The following TPTE2 variants were observed in gnomAD, a reference collection of about 807,000 sequenced individuals.
The protein encoded by TPTE2 is transmembrane phosphoinositide 3-phosphatase and tensin homolog 2.
A neutral mutation model predicts 78.6 loss-of-function variants in TPTE2; 53 were observed. The observed-to-expected ratio is 0.67, with a 90% CI of 0.54 to 0.85. The LOEUF (loss-of-function observed/expected upper bound fraction) is 0.85. Ranked by LOEUF, TPTE2 falls within the 40% of genes least tolerant of loss-of-function variation. TPTE2 has a pLI of 0.00. For synonymous variants in TPTE2, 175 were observed against 206.2 expected, an observed-to-expected ratio of 0.85 and a Z score of 1.30; for missense variants, 461 against 623.0, an observed-to-expected ratio of 0.74 and a Z score of 2.77.
At chr13:19,522,619 C>CTTTTTTTTTTTTTTTTTTTTTTTT (rs57248346) in intron 1 of TPTE2, among the ~76,000 whole-genome samples, 3 of 121,648 alleles carry the variant, frequency 2.5e-5, no homozygotes, top group Non-Finnish European at 4.9e-5. Context: ...CTTTTTTTTT[C>CTTTTTTTTTTTTTTTTTTTTTTTT]TTTTTTTTTT....
the TPTE2 span, among the ~76,000 whole-genome samples, chr13:19,558,139 C>T: frequency 6.6e-6 from 1 of 152,104 alleles, no homozygotes; most frequent in African/African-American, 2.4e-5. Flanking sequence ...TAAGTAATAG[C>T]TACAATATAA....
At position 19,536,195 on chromosome 13, in the gene TPTE2, T is replaced by TTC. The variant is rs142417487; in HGVS notation, c.-44+399_-44+400dup. ...TAGGAATTATCTTGGAATCTGATAATTCTGAGACTCTACTAATGACGAGGC... is the reference window on the plus strand; with the variant it reads ...TAGGAATTATCTTGGAATCTGATAATTCTCTGAGACTCTACTAATGACGAGGC... On this transcript the variant is annotated intron_variant, in intron 1 of 17. Coordinates refer to the TPTE2 transcript ENST00000390680. Among the ~76,000 whole-genome samples, 1,020 of 152,290 alleles carry TTC rather than the reference T, an allele frequency of 6.7e-3. 9 individuals are homozygous for TTC. Among genetic ancestry groups the TTC allele is most frequent in the African/African-American group, 0.022 (903 of 41,548 alleles).
At chr13:19,506,152 A>G (rs1184850005), upstream of TPTE2, among the ~76,000 whole-genome samples, 3 of 67,768 alleles carry the variant, frequency 4.4e-5, no homozygotes, top group Non-Finnish European at 6.4e-5. Flanking sequence ...ACTTACGTGT[A>G]TATAAATCTT....
chr13:19,516,356 C>T (rs1367182005), intron 1 of TPTE2, among the ~76,000 whole-genome samples: 1 of 152,178 alleles, frequency 6.6e-6, no homozygotes, highest in East Asian at 1.9e-4. Context: ...CAACAGATTC[C>T]TAATGTTTCA....
chr13:19,502,248 C>T (rs1248161429), intron 1 of TPTE2, among the ~76,000 whole-genome samples: 6 of 146,546 alleles, frequency 4.1e-5, no homozygotes, highest in Admixed American at 6.9e-5. Flanking sequence ...GGCGATTCCT[C>T]AGGGATCTAG....
chr13:19,536,992 A>G (rs765810957), upstream of TPTE2, among the ~76,000 whole-genome samples: 40 of 151,596 alleles, frequency 2.6e-4, no homozygotes, highest in Admixed American at 2.6e-3. Context: ...TAATTCCAAA[A>G]AGGGGTTGCC....
intron 13 of TPTE2, among the ~76,000 whole-genome samples, chr13:19,448,324 T>C (rs1237059157): frequency 6.6e-6 from 1 of 152,146 alleles, no homozygotes; most frequent in Non-Finnish European, 1.5e-5. Context: ...AGTAGACAAA[T>C]GATACTGTAT....
At chr13:19,549,712 T>C in the TPTE2 span, among the ~76,000 whole-genome samples, 9 of 79,946 alleles carry the variant, frequency 1.1e-4, 4 homozygotes, top group South Asian at 1.0e-3. Context: ...TGTATGTTCA[T>C]TGCAGCACTA....
intron 1 of TPTE2, among the ~76,000 whole-genome samples, chr13:19,497,080 C>A (rs1226547697): frequency 6.6e-6 from 1 of 152,202 alleles, no homozygotes; most frequent in Admixed American, 6.5e-5. Flanking sequence ...CCGAATATTG[C>A]GCTTTTCTGA....
chr13:19,504,007 T>C (rs1261219963), upstream of TPTE2, among the ~76,000 whole-genome samples: 1 of 152,104 alleles, frequency 6.6e-6, no homozygotes, highest in Non-Finnish European at 1.5e-5. Context: ...CCCAAAGTGC[T>C]GGGATTACAG....
At chr13:19,480,075 A>G (rs1198304775) in intron 4 of TPTE2, among the ~76,000 whole-genome samples, 1 of 62,660 alleles carries the variant, frequency 1.6e-5, no homozygotes, top group Non-Finnish European at 5.3e-5. Flanking sequence ...TATGAACATG[A>G]CTCATTTTTT....
At chr13:19,485,600 C>T (rs535331824) in intron 3 of TPTE2, among the ~76,000 whole-genome samples, 1 of 152,246 alleles carries the variant, frequency 6.6e-6, no homozygotes, top group East Asian at 1.9e-4. Flanking sequence ...GTTTTATGCT[C>T]TCATTTTATT....
intron 18 of TPTE2, chr13:19,425,963 G>T (rs1389319466): frequency 4.8e-6 from 2 of 419,514 alleles, no homozygotes; most frequent in African/African-American, 4.1e-5. Flanking sequence ...GGAGGCTGAG[G>T]TGGGAGGATT....
chr13:19,482,489 C>T (rs374885475), exon 4 of TPTE2: 1 of 1,612,070 alleles, frequency 6.2e-7, no homozygotes, highest in Non-Finnish European at 8.5e-7. Flanking sequence ...CTGACTTACT[C>T]ATATGAAGCA....
intron 9 of TPTE2, 44 bp downstream of exon 12, chr13:19,465,211 A>C: frequency 6.2e-7 from 1 of 1,610,824 alleles, no homozygotes; most frequent in Non-Finnish European, 8.5e-7. Flanking sequence ...ATTACAAGAA[A>C]AAGTGAAGTA....
rs1473593159 is a variant in TPTE2, at chr13:19,492,844, A to C, written c.119+6T>G. The stretch of plus-strand genomic sequence containing the variant: ...ATACGTGTGTCTTCATGTATTTATA[A>C]CTCACCTTTTACTGATAGGTGACAC... On this transcript the variant is annotated splice_donor_region_variant and intron_variant, in intron 3 of 19. Transcript: ENST00000400230. 2 of 1,613,806 alleles carry C rather than the reference A, an allele frequency of 1.2e-6. No individual in the cohort carries two copies. The highest frequency in any genetic ancestry group is 2.2e-5 in the South Asian group (2 of 91,074).
intron 6 of TPTE2, among the ~76,000 whole-genome samples, chr13:19,469,142 G>A (rs1362142389): frequency 6.6e-6 from 1 of 152,158 alleles, no homozygotes; most frequent in Admixed American, 6.5e-5. Flanking sequence ...TTGTAGTATA[G>A]TAGTTTCATT....
At chr13:19,453,538 C>CATATATATATATATATAATATAT (rs1878334319) in intron 10 of TPTE2, among the ~76,000 whole-genome samples, 1 of 140,174 alleles carries the variant, frequency 7.1e-6, no homozygotes, top group African/African-American at 2.9e-5. Flanking sequence ...ATTTTATAAT[C>CATATATATATATATATAATATAT]ATATATATAT....
intron 11 of TPTE2, among the ~76,000 whole-genome samples, chr13:19,450,930 C>T (rs1290654999): frequency 6.6e-6 from 1 of 152,160 alleles, no homozygotes; most frequent in Non-Finnish European, 1.5e-5. Flanking sequence ...AAATGGTTTG[C>T]TTCCACTCCA....
Sources: allele counts gnomAD v4.1 joint callset (sites outside exome capture counted in the v4.1 genomes callset), GRCh38; gene constraint gnomAD v4.1.1; transcripts MANE v1.5; gene names NCBI Gene and HGNC (gene_info 2026-07-23, HGNC 2026-07-21).